The following ADCY10 variants were observed in gnomAD, a reference collection of about 807,000 sequenced individuals.
The protein encoded by ADCY10 is adenylate cyclase 10.
ADCY10 carries 156 observed loss-of-function variants against 183.3 expected under a neutral mutation model. That is an observed-to-expected ratio of 0.85 (90% CI 0.75 to 0.97). The LOEUF is 0.97. Among genes scored for constraint, ADCY10 ranks in the 50% least tolerant of loss-of-function variants. The pLI is 0.00. For missense variants in ADCY10, 1,745 were observed against 1,934.3 expected (o/e 0.90, Z 1.84); for synonymous variants, 645 against 670.0 (o/e 0.96, Z 0.58).
At chr1:167,861,139 A>C in intron 14 of ADCY10, 76 bp from the exon 15 acceptor site, 1 of 1,254,360 alleles carries the variant, frequency 8.0e-7, no homozygotes, top group Non-Finnish European at 1.1e-6. Context: ...GTTGAAGGAA[A>C]GCTCTGTCTT....
At chr1:167,900,187 A>T (rs75744916) in intron 5 of ADCY10, among the ~76,000 whole-genome samples, 1,702 of 152,360 alleles carry the variant, frequency 0.011, 32 homozygotes, top group African/African-American at 0.031. Flanking sequence ...TACACAAAAT[A>T]TATGTATAAA....
At chr1:167,883,370 A>G (rs952030113) in intron 9 of ADCY10, 67 bp downstream of exon 9, 8 of 1,547,836 alleles carry the variant, frequency 5.2e-6, no homozygotes, top group Admixed American at 5.0e-5. Context: ...TATTCTCACC[A>G]ATGTGCTTGT....
rs1350155344 is a variant in ADCY10, at chr1:167,854,500, A to G, written c.2172-11T>C. ...CCCTCCCCCAGGTACCTGTAGTGAA[A>G]ACAAGGCAATCTGTTTACATTGAAG... On this transcript the variant is annotated splice_polypyrimidine_tract_variant and intron_variant, in intron 17 of 32. Transcript: ENST00000367851. The G allele has an allele frequency of 1.2e-6, 2 of 1,614,076 alleles. No homozygotes were observed. The highest frequency in any genetic ancestry group is 1.3e-5 in the African/African-American group (1 of 74,948).
intron 3 of ADCY10, among the ~76,000 whole-genome samples, chr1:167,902,351 C>T (rs948541537): frequency 2.0e-5 from 3 of 152,084 alleles, no homozygotes; most frequent in African/African-American, 4.8e-5. Flanking sequence ...CCTCCTCCCA[C>T]GATAATGGAA....
chr1:167,898,880 T>A (rs34191598), intron 6 of ADCY10, among the ~76,000 whole-genome samples: 3 of 152,124 alleles, frequency 2.0e-5, no homozygotes, highest in Non-Finnish European at 2.9e-5. Context: ...ACAGCTTTTT[T>A]AATTGTCCAT....
At chr1:167,876,804 G>A (rs1483546739) in intron 12 of ADCY10, among the ~76,000 whole-genome samples, 2 of 152,150 alleles carry the variant, frequency 1.3e-5, no homozygotes, top group Non-Finnish European at 2.9e-5. Context: ...GAATGCTTTT[G>A]TCAATGGACT....
chr1:167,877,775 T>A (rs1279440929), intron 12 of ADCY10, among the ~76,000 whole-genome samples: 1 of 152,154 alleles, frequency 6.6e-6, no homozygotes, highest in East Asian at 1.9e-4. Flanking sequence ...GAGGAATGTC[T>A]ATGAATCCCT....
At chr1:167,912,093 T>C (rs534458617) in intron 1 of ADCY10, among the ~76,000 whole-genome samples, 136 of 152,370 alleles carry the variant, frequency 8.9e-4, no homozygotes, top group Non-Finnish European at 1.5e-3. Context: ...ACAAAATGAT[T>C]AGTGATAGCT....
At chr1:167,812,870 T>A (rs1662306876) in intron 31 of ADCY10, among the ~76,000 whole-genome samples, 1 of 151,762 alleles carries the variant, frequency 6.6e-6, no homozygotes, top group African/African-American at 2.4e-5. Flanking sequence ...AACTAAAATT[T>A]AAAAAAATCA....
At chr1:167,863,242 T>G (rs569876287) in intron 14 of ADCY10, among the ~76,000 whole-genome samples, 4 of 152,208 alleles carry the variant, frequency 2.6e-5, no homozygotes, top group Non-Finnish European at 5.9e-5. Context: ...ATTCGACCCC[T>G]GACCTAGCAA....
rs751943080 is a variant in ADCY10 at position 167,845,626 on chromosome 1, T to C, written c.2944A>G (p.Ile982Val). 1.9e-6 allele frequency: 3 copies of C among 1,614,284 alleles called. No individual in the cohort carries two copies. The South Asian group carries it at 3.3e-5, about 18-fold the overall frequency. ...FIPYHHFTVN[I>V]RLNALDMDAI... ...TCCATGTCTAAAGCGTTGAGCCGAA[T>C]ATTCACTGTGAAGTGATGATAGGGA... is the stretch of plus-strand genomic sequence containing the variant. The change falls in exon 21 of 33, where the codon ATT (isoleucine) becomes GTT (valine). Residue 982 changes from isoleucine to valine, a missense_variant. Coordinates refer to ENST00000367851, the MANE Select transcript of ADCY10 (RefSeq NM_018417.6).
At chr1:167,895,138 C>T (rs894166032) in intron 7 of ADCY10, among the ~76,000 whole-genome samples, 66 of 149,560 alleles carry the variant, frequency 4.4e-4, no homozygotes, top group African/African-American at 1.5e-3. Flanking sequence ...GCCCATATCG[C>T]GCCAGTGCAC....
At chr1:167,909,513 C>T (rs2102479512) in intron 1 of ADCY10, among the ~76,000 whole-genome samples, 1 of 152,230 alleles carries the variant, frequency 6.6e-6, no homozygotes, top group South Asian at 2.1e-4. Flanking sequence ...CAGCCCAACA[C>T]AAATTTGTAA....
intron 31 of ADCY10, among the ~76,000 whole-genome samples, chr1:167,816,471 A>G (rs1662533852): frequency 6.6e-6 from 1 of 152,110 alleles, no homozygotes; most frequent in Non-Finnish European, 1.5e-5. Flanking sequence ...GCTTGAACCC[A>G]GGAGGTGGAG....
chr1:167,863,374 C>A (rs576884644), intron 14 of ADCY10, among the ~76,000 whole-genome samples: 6 of 152,246 alleles, frequency 3.9e-5, no homozygotes, highest in Non-Finnish European at 7.4e-5. Context: ...CTGTCACGTA[C>A]CCCCTGGCTT....
chr1:167,862,053 T>A (rs554663780), intron 14 of ADCY10, among the ~76,000 whole-genome samples: 1 of 152,316 alleles, frequency 6.6e-6, no homozygotes, highest in South Asian at 2.1e-4. Flanking sequence ...TCTTTATAAA[T>A]TACCCAGTCT....
At chr1:167,877,842 T>C (rs1667585274) in intron 12 of ADCY10, among the ~76,000 whole-genome samples, 1 of 152,116 alleles carries the variant, frequency 6.6e-6, no homozygotes, top group South Asian at 2.1e-4. Context: ...ATTAGGTGGG[T>C]GCTGATGAGG....
chr1:167,877,617 A>G (rs1667561889), intron 12 of ADCY10, among the ~76,000 whole-genome samples: 1 of 152,218 alleles, frequency 6.6e-6, no homozygotes, highest in African/African-American at 2.4e-5. Context: ...ACAGTGTAAC[A>G]AGTGAAAACT....
At chr1:167,913,840 G>T (rs1268401721) in intron 1 of ADCY10, 136 bp downstream of exon 1, 2 of 152,208 alleles carry the variant, frequency 1.3e-5, no homozygotes, top group Non-Finnish European at 2.9e-5. Context: ...TGACACAGAG[G>T]TATACACAAA....
Sources: allele counts gnomAD v4.1 joint callset (sites outside exome capture counted in the v4.1 genomes callset), GRCh38; gene constraint gnomAD v4.1.1; transcripts MANE v1.5; gene names NCBI Gene and HGNC (gene_info 2026-07-23, HGNC 2026-07-21).